FLT3: variants seen among roughly 807,000 people sequenced by gnomAD.
The protein encoded by FLT3 is fms related receptor tyrosine kinase 3, also known as receptor-type tyrosine-protein kinase FLT3.
Under a neutral mutation model 126.6 loss-of-function variants are expected in FLT3, and 46 were observed. The ratio of observed to expected loss-of-function variants is 0.36; its 90% CI spans 0.29 to 0.46. The LOEUF is 0.46. Ranked by LOEUF, FLT3 falls within the 20% of genes least tolerant of loss-of-function variation. The pLI is 1.00. For missense variants in FLT3, 1,069 were observed against 1,190.3 expected (o/e 0.90, Z 1.50); for synonymous variants, 404 against 434.4 (o/e 0.93, Z 0.87).
rs755081448 is a variant in FLT3 at position 28,018,586 on chromosome 13, C to T, written c.2422G>A (p.Val808Ile). The change falls in exon 20 of 24, where the codon GTT (valine) becomes ATT (isoleucine). Residue 808 changes from valine to isoleucine, a missense_variant. Coordinates refer to ENST00000241453, the MANE Select transcript of FLT3 (RefSeq NM_004119.3). ...GMEFLEFKSC[V>I]HRDLAARNVL... ...TTCCTGGCGGCCAGGTCTCTGTGAA[C>T]ACACTGTCAAGAATGACACCAGAGT... 6.2e-7 allele frequency: 1 copy of T among 1,614,074 alleles called. No homozygotes were observed. The highest frequency in any genetic ancestry group is 1.1e-5 in the South Asian group (1 of 91,078).
At chr13:28,006,807 C>A (rs1441857762) in intron 23 of FLT3, among the ~76,000 whole-genome samples, 1 of 148,840 alleles carries the variant, frequency 6.7e-6, no homozygotes, top group African/African-American at 2.5e-5. Flanking sequence ...AGTGTTGTGG[C>A]ATGATCTCAG....
chr13:28,005,773 T>C (rs867230828), intron 23 of FLT3, among the ~76,000 whole-genome samples: 2 of 152,234 alleles, frequency 1.3e-5, no homozygotes, highest in African/African-American at 4.8e-5. Flanking sequence ...CTGGAAACTA[T>C]ATTTTCCAGA....
intron 1 of FLT3, among the ~76,000 whole-genome samples, chr13:28,078,701 T>C (rs1356772569): frequency 1.4e-5 from 2 of 138,764 alleles, no homozygotes; most frequent in Non-Finnish European, 3.1e-5. Context: ...CCCCAGAAAA[T>C]GGGTTTTTCT....
At chr13:28,092,742 T>G (rs1879195712) in intron 1 of FLT3, among the ~76,000 whole-genome samples, 1 of 151,194 alleles carries the variant, frequency 6.6e-6, no homozygotes, top group African/African-American at 2.4e-5. Context: ...CACCTCTGCT[T>G]AAAGCCCTCC....
At chr13:28,091,472 C>T (rs1474084713) in intron 1 of FLT3, among the ~76,000 whole-genome samples, 9 of 151,308 alleles carry the variant, frequency 5.9e-5, no homozygotes, top group Admixed American at 2.6e-4. Flanking sequence ...CCGCCCGCCT[C>T]GGCCTCCCAA....
At chr13:28,069,394 AG>A (rs1168645225) in intron 2 of FLT3, among the ~76,000 whole-genome samples, 3 of 152,212 alleles carry the variant, frequency 2.0e-5, no homozygotes, top group Admixed American at 2.0e-4. Flanking sequence ...GGAACTAAAC[AG>A]GGGTATAAAC....
intron 19 of FLT3, among the ~76,000 whole-genome samples, chr13:28,019,953 T>C (rs1471232642): frequency 6.6e-6 from 1 of 152,214 alleles, no homozygotes; most frequent in Non-Finnish European, 1.5e-5. Context: ...AACCTAGGGA[T>C]GCAACCACCA....
chr13:28,037,633 A>C (rs903584412), intron 9 of FLT3, among the ~76,000 whole-genome samples: 7 of 152,186 alleles, frequency 4.6e-5, no homozygotes, highest in Non-Finnish European at 1.5e-5. Context: ...GAGACCAGGA[A>C]GTTCCTGCCC....
At chr13:28,066,001 A>G (rs1201502438) in intron 2 of FLT3, among the ~76,000 whole-genome samples, 1 of 152,016 alleles carries the variant, frequency 6.6e-6, no homozygotes, top group East Asian at 1.9e-4. Context: ...AATAAAATAA[A>G]TAAATAAACC....
At chr13:28,012,260 A>T (rs1871454015) in intron 23 of FLT3, among the ~76,000 whole-genome samples, 1 of 152,092 alleles carries the variant, frequency 6.6e-6, no homozygotes, top group South Asian at 2.1e-4. Flanking sequence ...TCATGCATGG[A>T]TATGTTGCCA....
At chr13:28,038,963 G>A (rs529011476) in intron 9 of FLT3, among the ~76,000 whole-genome samples, 8 of 152,142 alleles carry the variant, frequency 5.3e-5, no homozygotes, top group African/African-American at 1.9e-4. Flanking sequence ...TCCAGCAGAT[G>A]ATCAAAGAAG....
At chr13:28,021,939 G>A (rs573962484) in intron 19 of FLT3, among the ~76,000 whole-genome samples, 26 of 151,944 alleles carry the variant, frequency 1.7e-4, no homozygotes, top group Non-Finnish European at 3.1e-4. Flanking sequence ...GGGTTTCACC[G>A]TGTTGGCCAG....
At chr13:28,085,279 G>A (rs1270756996) in intron 1 of FLT3, among the ~76,000 whole-genome samples, 3 of 149,182 alleles carry the variant, frequency 2.0e-5, no homozygotes, top group Admixed American at 6.7e-5. Flanking sequence ...GGGAGGCAGA[G>A]GTTGTAGTGA....
intron 15 of FLT3, among the ~76,000 whole-genome samples, chr13:28,029,263 G>T (rs1873101006): frequency 1.3e-5 from 2 of 152,154 alleles, no homozygotes; most frequent in African/African-American, 4.8e-5. Flanking sequence ...GTGCCGGTGC[G>T]TACCTGTAAT....
At chr13:28,090,498 C>G (rs1198137846) in intron 1 of FLT3, among the ~76,000 whole-genome samples, 1 of 152,114 alleles carries the variant, frequency 6.6e-6, no homozygotes, top group Non-Finnish European at 1.5e-5. Context: ...AAAAAGCTGG[C>G]CAGATGCGGT....
chr13:28,099,346 T>C (rs1392259909), intron 1 of FLT3, among the ~76,000 whole-genome samples: 1 of 152,238 alleles, frequency 6.6e-6, no homozygotes, highest in Non-Finnish European at 1.5e-5. Context: ...CTAGTAAAGA[T>C]AACTATTTAA....
rs1480986177 is a variant in FLT3, at chr13:28,015,189, T to C, written c.2721A>G (p.Lys907=). 2.5e-6 allele frequency: 4 copies of C among 1,610,990 alleles called. No homozygotes were observed. In the African/African-American group the frequency reaches 5.3e-5, roughly 22 times the overall value. The change falls in exon 22 of 24, where the codon AAA becomes AAG. Residue 907 remains lysine (K), a synonymous_variant. Coordinates refer to ENST00000241453, the MANE Select transcript of FLT3 (RefSeq NM_004119.3). ...NFYKLIQNGF[K]MDQPFYATEE... Reference sequence around the variant, plus strand: ...CTGTAGCATAAAATGGCTGATCCATTTTAAATCCATTTTGAATCAGTTTGT... The same window carrying C: ...CTGTAGCATAAAATGGCTGATCCATCTTAAATCCATTTTGAATCAGTTTGT...
chr13:28,023,247 G>A, intron 19 of FLT3, 103 bp downstream of exon 19: 1 of 1,242,908 alleles, frequency 8.0e-7, no homozygotes. Flanking sequence ...GGGGAGAAAA[G>A]GCAGACTTTA....
chr13:28,097,725 C>T (rs1242085820), intron 1 of FLT3, among the ~76,000 whole-genome samples: 1 of 152,160 alleles, frequency 6.6e-6, no homozygotes, highest in Non-Finnish European at 1.5e-5. Flanking sequence ...GCTGAGTGTC[C>T]CTTCCCTCCA....
Sources: gnomAD v4.1 joint callset for allele counts (sites outside exome capture counted in the v4.1 genomes callset) on GRCh38, gnomAD v4.1.1 for gene constraint, MANE v1.5 for transcripts, NCBI Gene and HGNC (gene_info 2026-07-23, HGNC 2026-07-21) for gene names.